Variants in LRRC8B observed in about 807,000 individuals in gnomAD.
LRRC8B encodes the protein leucine rich repeat containing 8 VRAC subunit B, also known as volume-regulated anion channel subunit LRRC8B.
In LRRC8B, 23 loss-of-function variants were observed where a neutral mutation model predicts 58.8. The ratio of observed to expected loss-of-function variants is 0.39; its 90% CI spans 0.28 to 0.55. The LOEUF (loss-of-function observed/expected upper bound fraction) is 0.55, where lower values mean the gene tolerates loss of function less well. LRRC8B is among the 20% of genes least tolerant of loss of function. LRRC8B has a pLI of 0.62. For synonymous variants in LRRC8B, 359 were observed against 374.1 expected (o/e 0.96, Z 0.47); for missense variants, 694 against 936.0 (o/e 0.74, Z 3.37).
intron 1 of LRRC8B, among the ~76,000 whole-genome samples, chr1:89,547,431 G>A (rs375486096): frequency 2.0e-5 from 3 of 152,230 alleles, no homozygotes. Context: ...AGAGTGGTGG[G>A]CAGATGGGTT....
Position 89,589,351 on chromosome 1 carries a change from G to T in LRRC8B, c.2140-3420G>T, listed in dbSNP as rs1230544498. The stretch of plus-strand genomic sequence containing the variant: ...CATCAATCCAAGTGATTCCACATGG[G>T]GTACAGTGGTATATGTGGGTGGACA... On this transcript the variant is annotated intron_variant, in intron 5 of 5. Coordinates refer to ENST00000330947, the MANE Select transcript of LRRC8B (RefSeq NM_001369817.2). 2.0e-5 allele frequency among the ~76,000 whole-genome samples: 3 copies of T among 152,246 alleles called. No homozygotes were observed. In the East Asian group the frequency reaches 5.8e-4, roughly 29 times the overall value.
At chr1:89,562,413 T>TA (rs1185165759) in intron 1 of LRRC8B, among the ~76,000 whole-genome samples, 3 of 152,186 alleles carry the variant, frequency 2.0e-5, no homozygotes, top group Non-Finnish European at 4.4e-5. Context: ...CATATTCAGT[T>TA]ACCTTGATAG....
intron 4 of LRRC8B, among the ~76,000 whole-genome samples, 187 bp downstream of exon 4, chr1:89,579,875 T>G (rs1045743043): frequency 6.6e-6 from 1 of 152,214 alleles, no homozygotes; most frequent in African/African-American, 2.4e-5. Flanking sequence ...AAATGAAACA[T>G]GAATTTAGAG....
At chr1:89,525,625 A>T (rs1649630736) in intron 1 of LRRC8B, among the ~76,000 whole-genome samples, 1 of 152,204 alleles carries the variant, frequency 6.6e-6, no homozygotes, top group Admixed American at 6.5e-5. Flanking sequence ...AAGAAGACTC[A>T]AGAGTTTCCC....
At chr1:89,538,959 T>G (rs1307373454) in intron 1 of LRRC8B, among the ~76,000 whole-genome samples, 1 of 152,172 alleles carries the variant, frequency 6.6e-6, no homozygotes, top group Non-Finnish European at 1.5e-5. Context: ...TGACCTCAGG[T>G]GATCCACCCA....
chr1:89,592,936 G>A lies in LRRC8B; in HGVS notation c.2305G>A (p.Gly769Arg). Residue 769 changes from glycine to arginine, a missense_variant, in exon 6 of 6, where the codon GGA becomes AGA. Physicochemically the swap from Gly to Arg is moderately radical, Grantham distance 125. Around this residue, in one of 5 missense-constraint regions of LRRC8B, gnomAD observed 139 missense variants for 158.2 expected, o/e 0.88. Transcript: ENST00000330947. ...GGAAACACTTCCTCCTGAACTAGAA[G>A]GATGTCAGTCCCTAAAACGGAACTG... ...YLETLPPELE[G>R]CQSLKRNCLI... 1 of 1,614,118 alleles carries A rather than the reference G, an allele frequency of 6.2e-7. No homozygotes were observed. Among genetic ancestry groups the A allele is most frequent in the South Asian group, 1.1e-5 (1 of 91,084 alleles).
intron 1 of LRRC8B, among the ~76,000 whole-genome samples, chr1:89,540,567 T>G (rs756582230): frequency 6.6e-6 from 1 of 151,896 alleles, no homozygotes; most frequent in Non-Finnish European, 1.5e-5. Context: ...AGCATTGGAG[T>G]GGGAGTTGGA....
chr1:89,586,839 G>A (rs528171050), intron 5 of LRRC8B, among the ~76,000 whole-genome samples: 1 of 152,282 alleles, frequency 6.6e-6, no homozygotes, highest in Admixed American at 6.5e-5. Flanking sequence ...GGTCAAAGAA[G>A]CACTGTTCAG....
Position 89,582,877 on chromosome 1 carries a change from G to A in LRRC8B, c.227G>A (p.Ser76Asn). The A allele has an allele frequency of 1.9e-6, 3 of 1,614,158 alleles. No individual in the cohort carries two copies. Among genetic ancestry groups the A allele is most frequent in the Non-Finnish European group, 2.5e-6 (3 of 1,180,026 alleles). Residue 76 changes from serine (S) to asparagine (N), a missense_variant, in exon 5 of 6, where the codon AGC (serine) becomes AAC (asparagine). Physicochemically the swap from Ser to Asn is conservative, Grantham distance 46. Around this residue, in one of 5 missense-constraint regions of LRRC8B, gnomAD observed 316 missense variants for 403.8 expected, o/e 0.78. Transcript: ENST00000330947. The stretch of plus-strand genomic sequence containing the variant: ...GTGCCTTGGGACATCCTGAAAGCCA[G>A]CATGAACACATCCTCTAATCCTGGG... ...CAVPWDILKASMNTSSNPGTP... is the reference protein window; with the variant it reads ...CAVPWDILKANMNTSSNPGTP...
chr1:89,527,254 C>CT (rs1258828890), intron 1 of LRRC8B, among the ~76,000 whole-genome samples: 2 of 152,268 alleles, frequency 1.3e-5, no homozygotes, highest in East Asian at 3.9e-4. Context: ...GGACTTTTTA[C>CT]TATTCATAGC....
At position 89,593,655 on chromosome 1, in the gene LRRC8B, C is replaced by T. The variant is rs1194653053; in HGVS notation, c.*612C>T. On this transcript the variant is annotated 3_prime_UTR_variant, in exon 6 of 6. Coordinates refer to ENST00000330947, the MANE Select transcript of LRRC8B (RefSeq NM_001369817.2). ...CTAAATTCCTCCTTGCAGTGTTTAC[C>T]TTCAAGATTGTATAGGTATTCTCTC... 6.6e-6 allele frequency: 1 copy of T among 152,188 alleles called. No individual in the cohort carries two copies. 9.4% of individuals were successfully genotyped at this position (152,188 alleles called of 1,614,324 possible). A position where few individuals can be genotyped will look rare whatever the true frequency, so the allele number is the denominator to read the frequency against.
intron 3 of LRRC8B, among the ~76,000 whole-genome samples, chr1:89,577,231 A>G (rs1653922883): frequency 6.6e-6 from 1 of 152,152 alleles, no homozygotes; most frequent in East Asian, 1.9e-4. Flanking sequence ...TCTGATCATC[A>G]TTTGTTTATT....
At chr1:89,584,919 A>G (rs531025704) in intron 5 of LRRC8B, 130 bp downstream of exon 5, 2 of 620,364 alleles carry the variant, frequency 3.2e-6, no homozygotes, top group South Asian at 5.6e-5. Context: ...TGCATAAATT[A>G]CCAAAACACT....
rs145224251 is a variant in LRRC8B at position 89,527,630 on chromosome 1, C to T, written c.-241+2608C>T. Among the ~76,000 whole-genome samples the T allele has an allele frequency of 1.8e-3, 281 of 152,326 alleles. 1 individual carries two copies. Among genetic ancestry groups the T allele is most frequent in the Non-Finnish European group, 3.2e-3 (218 of 68,026 alleles). ...ATATTGCTGCCTTTTATTGCTATTG[C>T]CTACTTTCATTTTATTCCCCATCTG... On this transcript the variant is annotated intron_variant, in intron 1 of 5. Transcript: ENST00000330947.
At chr1:89,547,169 A>G (rs1193023816) in intron 1 of LRRC8B, among the ~76,000 whole-genome samples, 6 of 151,962 alleles carry the variant, frequency 3.9e-5, no homozygotes, top group African/African-American at 1.5e-4. Flanking sequence ...ATTCAGTGAC[A>G]TCATGTTGGT....
chr1:89,588,608 G>A (rs1654787738), intron 5 of LRRC8B, among the ~76,000 whole-genome samples: 1 of 152,192 alleles, frequency 6.6e-6, no homozygotes, highest in Non-Finnish European at 1.5e-5. Flanking sequence ...TGATTCATTG[G>A]ATAGTGACTA....
chr1:89,570,848 T>A (rs1057329599), intron 3 of LRRC8B, among the ~76,000 whole-genome samples: 1 of 152,088 alleles, frequency 6.6e-6, no homozygotes, highest in African/African-American at 2.4e-5. Flanking sequence ...TAATTTGGGG[T>A]TTTTATAATT....
At chr1:89,590,889 C>G (rs776319597) in intron 5 of LRRC8B, among the ~76,000 whole-genome samples, 8 of 152,184 alleles carry the variant, frequency 5.3e-5, no homozygotes, top group Non-Finnish European at 1.2e-4. Flanking sequence ...GATTTTGCCT[C>G]CCAAGAGACA....
Position 89,560,972 on chromosome 1 carries a change from A to G in LRRC8B, c.-240-7275A>G, listed in dbSNP as rs1381453593. On this transcript the variant is annotated intron_variant, in intron 1 of 5. Transcript: ENST00000330947. ...CTGAGGAATCGCCACACTGACTTCC[A>G]CAATGGTTGAACTAGTTTACAGTCC... Among the ~76,000 whole-genome samples the G allele has an allele frequency of 1.8e-3, 272 of 150,812 alleles. 2 individuals carry two copies. Among genetic ancestry groups the G allele is most frequent in the African/African-American group, 6.1e-3 (252 of 41,362 alleles).
Sources: allele counts gnomAD v4.1 joint callset (sites outside exome capture counted in the v4.1 genomes callset), GRCh38; gene constraint gnomAD v4.1.1; regional missense constraint gnomAD v4.1.1; transcripts MANE v1.5; gene names NCBI Gene and HGNC (gene_info 2026-07-23, HGNC 2026-07-21).